ASIC2: variants seen among roughly 807,000 people sequenced by gnomAD.
ASIC2 encodes acid-sensing ion channel 2.
Under a neutral mutation model 57.3 loss-of-function variants are expected in ASIC2, and 25 were observed. The ratio of observed to expected loss-of-function variants is 0.44; its 90% CI spans 0.32 to 0.61. ASIC2 has a LOEUF of 0.61. Among genes scored for constraint, ASIC2 ranks in the 20% least tolerant of loss-of-function variants. The pLI is 0.06. For missense variants in ASIC2, 641 were observed against 738.1 expected (o/e 0.87, Z 1.52); for synonymous variants, 319 against 307.5 (o/e 1.04, Z -0.39).
At chr17:33,338,542 G>A (rs1907610478) in intron 1 of ASIC2, among the ~76,000 whole-genome samples, 1 of 152,156 alleles carries the variant, frequency 6.6e-6, no homozygotes, top group African/African-American at 2.4e-5. Context: ...AAAGGAACAA[G>A]ATGTGTGCGT....
At chr17:34,008,983 T>C (rs997809742) in intron 1 of ASIC2, among the ~76,000 whole-genome samples, 19 of 152,246 alleles carry the variant, frequency 1.2e-4, no homozygotes, top group African/African-American at 4.3e-4. Flanking sequence ...ATTTAGACTT[T>C]TGATTCCTAA....
intron 1 of ASIC2, among the ~76,000 whole-genome samples, chr17:34,060,396 G>A (rs968315444): frequency 1.3e-5 from 2 of 152,140 alleles, no homozygotes; most frequent in African/African-American, 4.8e-5. Flanking sequence ...AAATGAGAGG[G>A]AATCAGAAAA....
chr17:33,117,389 T>A (rs931741715), intron 1 of ASIC2, among the ~76,000 whole-genome samples: 1 of 152,254 alleles, frequency 6.6e-6, no homozygotes, highest in African/African-American at 2.4e-5. Context: ...TTGGCCAGGC[T>A]GGTCTCAAAC....
chr17:33,821,859 C>T (rs994524733), intron 1 of ASIC2, among the ~76,000 whole-genome samples: 3 of 152,110 alleles, frequency 2.0e-5, no homozygotes, highest in African/African-American at 7.2e-5. Context: ...TGTGTTTCTC[C>T]GTGGGGGAAC....
At chr17:33,211,329 T>G (rs778516450) in intron 1 of ASIC2, among the ~76,000 whole-genome samples, 1 of 152,062 alleles carries the variant, frequency 6.6e-6, no homozygotes, top group Non-Finnish European at 1.5e-5. Context: ...ATCATGTTGA[T>G]GGCTTCAAGT....
intron 1 of ASIC2, among the ~76,000 whole-genome samples, chr17:33,723,724 A>T (rs1163379003): frequency 1.3e-5 from 2 of 152,198 alleles, no homozygotes; most frequent in Non-Finnish European, 2.9e-5. Context: ...GGTAGGCATT[A>T]TCTGGGAAGG....
intron 1 of ASIC2, among the ~76,000 whole-genome samples, chr17:33,494,791 C>G (rs940803697): frequency 1.3e-5 from 2 of 152,122 alleles, no homozygotes; most frequent in Non-Finnish European, 2.9e-5. Flanking sequence ...TTTTTCTCTC[C>G]CTAGCTCATT....
intron 1 of ASIC2, chr17:34,069,682 T>C (rs779433263): frequency 6.6e-6 from 1 of 152,344 alleles, no homozygotes; most frequent in Non-Finnish European, 1.5e-5. Flanking sequence ...GAGGGAAGAC[T>C]AAGCACATGT....
At chr17:33,456,663 G>T (rs1222250957) in intron 1 of ASIC2, among the ~76,000 whole-genome samples, 1 of 152,216 alleles carries the variant, frequency 6.6e-6, no homozygotes, top group East Asian at 1.9e-4. Context: ...GGTTGCTAGA[G>T]TAAGGAGCGT....
rs374374515 is a variant in ASIC2 at position 34,060,370 on chromosome 17, C to T, written c.555+95608G>A. On this transcript the variant is annotated intron_variant, in intron 1 of 9. Transcript: ENST00000359872. The stretch of plus-strand genomic sequence containing the variant: ...CAGCCTTCAGCCCTAGATCTTCCCC[C>T]TGACAGAGCCTATCCAAATGAGAGG... 1.5e-4 allele frequency among the ~76,000 whole-genome samples: 23 copies of T among 152,338 alleles called. No homozygotes were observed. In the East Asian group the frequency reaches 3.3e-3, roughly 22 times the overall value.
chr17:33,703,255 TC>T (rs1656126381), intron 1 of ASIC2, among the ~76,000 whole-genome samples: 1 of 151,998 alleles, frequency 6.6e-6, no homozygotes, highest in African/African-American at 2.4e-5. Context: ...ATAGTTTGTA[TC>T]ATGGCCAAAT....
chr17:34,044,043 CT>C (rs1445833161), intron 1 of ASIC2, among the ~76,000 whole-genome samples: 1 of 151,938 alleles, frequency 6.6e-6, no homozygotes, highest in African/African-American at 2.4e-5. Flanking sequence ...AACAAATTAT[CT>C]TTGTTTTTAT....
At chr17:33,960,748 T>G (rs1431461751) in intron 1 of ASIC2, among the ~76,000 whole-genome samples, 1 of 152,158 alleles carries the variant, frequency 6.6e-6, no homozygotes, top group Non-Finnish European at 1.5e-5. Context: ...GTCCTACGAT[T>G]CCTTCAATAT....
intron 1 of ASIC2, among the ~76,000 whole-genome samples, chr17:33,332,093 T>C (rs1247101228): frequency 6.6e-6 from 1 of 152,248 alleles, no homozygotes; most frequent in East Asian, 1.9e-4. Context: ...GAGGATTCTT[T>C]ACATCTAAAT....
chr17:33,812,484 G>A (rs536460737), intron 1 of ASIC2, among the ~76,000 whole-genome samples: 8 of 152,108 alleles, frequency 5.3e-5, no homozygotes, highest in South Asian at 2.1e-4. Flanking sequence ...GAGGCCAGAG[G>A]GAAATTGTGC....
At chr17:33,463,338 A>G (rs917337541) in intron 1 of ASIC2, among the ~76,000 whole-genome samples, 2 of 152,218 alleles carry the variant, frequency 1.3e-5, no homozygotes, top group African/African-American at 4.8e-5. Context: ...AGTTGGAGCT[A>G]TATAACTGTC....
intron 1 of ASIC2, among the ~76,000 whole-genome samples, chr17:34,139,195 A>G (rs1416350024): frequency 6.6e-6 from 1 of 152,212 alleles, no homozygotes; most frequent in Non-Finnish European, 1.5e-5. Context: ...ATCTTAGCCA[A>G]ATGATCAAAA....
intron 1 of ASIC2, among the ~76,000 whole-genome samples, chr17:33,436,991 G>A (rs1211542535): frequency 1.4e-5 from 2 of 145,232 alleles, no homozygotes; most frequent in South Asian, 2.3e-4. Flanking sequence ...TCAGCCTCCC[G>A]AGTAGCTGGG....
At chr17:33,063,661 A>C (rs541292012) in intron 3 of ASIC2, among the ~76,000 whole-genome samples, 98 of 152,130 alleles carry the variant, frequency 6.4e-4, no homozygotes, top group African/African-American at 2.4e-3. Flanking sequence ...CTTCTCAAGG[A>C]GTATCTTTGT....
Sources: gnomAD v4.1 joint callset for allele counts (sites outside exome capture counted in the v4.1 genomes callset) on GRCh38, gnomAD v4.1.1 for gene constraint, MANE v1.5 for transcripts, NCBI Gene and HGNC (gene_info 2026-07-23, HGNC 2026-07-21) for gene names.